EIF4G3: variants seen among roughly 807,000 people sequenced by gnomAD.
The protein encoded by EIF4G3 is eukaryotic translation initiation factor 4 gamma 3.
Under a neutral mutation model 186.4 loss-of-function variants are expected in EIF4G3, and 34 were observed. The ratio of observed to expected loss-of-function variants is 0.18; its 90% CI spans 0.14 to 0.24. The LOEUF (loss-of-function observed/expected upper bound fraction) is 0.24, where lower values mean the gene tolerates loss of function less well. EIF4G3 is among the 10% of genes least tolerant of loss of function. The probability of loss-of-function intolerance (pLI) is 1.00; values close to 1 mark genes in which losing one functional copy is unlikely to be tolerated. For missense variants in EIF4G3, 1,536 were observed against 1,948.5 expected, an observed-to-expected ratio of 0.79 and a Z score of 3.99; for synonymous variants, 673 against 679.5, an observed-to-expected ratio of 0.99 and a Z score of 0.15.
chr1:21,160,117 A>C (rs2097737026), intron 2 of EIF4G3, among the ~76,000 whole-genome samples: 1 of 152,036 alleles, frequency 6.6e-6, no homozygotes, highest in Non-Finnish European at 1.5e-5. Context: ...CAAAAAAAAA[A>C]AAAAAAGATA....
chr1:21,100,226 G>A (rs2096485798), intron 2 of EIF4G3, among the ~76,000 whole-genome samples: 2 of 152,200 alleles, frequency 1.3e-5, no homozygotes, highest in South Asian at 4.1e-4. Context: ...GAAGGAGGGT[G>A]ACTGCTAAAG....
At chr1:21,119,277 C>T (rs1221809951) in intron 2 of EIF4G3, among the ~76,000 whole-genome samples, 2 of 151,432 alleles carry the variant, frequency 1.3e-5, no homozygotes, top group Admixed American at 6.6e-5. Flanking sequence ...TTTGAAAGAG[C>T]CCTGGGAGAT....
intron 2 of EIF4G3, among the ~76,000 whole-genome samples, chr1:21,159,017 T>C (rs547904999): frequency 2.0e-5 from 3 of 152,034 alleles, no homozygotes; most frequent in Admixed American, 6.5e-5. Flanking sequence ...AAAAAAAACC[T>C]TCTACACATT....
chr1:20,964,617 T>C (rs2074200807), intron 12 of EIF4G3, among the ~76,000 whole-genome samples: 1 of 152,206 alleles, frequency 6.6e-6, no homozygotes, highest in Non-Finnish European at 1.5e-5. Context: ...ACTCATAGCT[T>C]GTGTCACAAA....
intron 3 of EIF4G3, among the ~76,000 whole-genome samples, chr1:21,055,478 CA>C (rs1160411481): frequency 6.6e-6 from 1 of 151,888 alleles, no homozygotes; most frequent in Non-Finnish European, 1.5e-5. Flanking sequence ...ATTAAACTAA[CA>C]AAAGTAAGTT....
intron 29 of EIF4G3, among the ~76,000 whole-genome samples, chr1:20,845,224 C>T (rs923559767): frequency 5.3e-5 from 8 of 152,112 alleles, no homozygotes; most frequent in Non-Finnish European, 8.8e-5. Context: ...ATCCTTTCCC[C>T]ATTGCTTGTT....
chr1:21,044,826 T>C (rs1048769893), intron 4 of EIF4G3, among the ~76,000 whole-genome samples: 1 of 152,094 alleles, frequency 6.6e-6, no homozygotes, highest in East Asian at 1.9e-4. Flanking sequence ...ATTTTTTACA[T>C]CTTTTGTAGA....
At chr1:21,110,036 C>T (rs1193213493) in intron 2 of EIF4G3, among the ~76,000 whole-genome samples, 1 of 152,176 alleles carries the variant, frequency 6.6e-6, no homozygotes, top group Non-Finnish European at 1.5e-5. Flanking sequence ...GATCCACCTG[C>T]CTCAGCCTCC....
intron 5 of EIF4G3, among the ~76,000 whole-genome samples, chr1:21,001,865 G>A (rs2154568921): frequency 6.6e-6 from 1 of 152,326 alleles, no homozygotes; most frequent in Non-Finnish European, 1.5e-5. Context: ...ATGAATAGGA[G>A]CTAATGCAAT....
chr1:20,817,060 T>G (rs2061188109), intron 34 of EIF4G3, among the ~76,000 whole-genome samples: 1 of 135,396 alleles, frequency 7.4e-6, no homozygotes, highest in Admixed American at 7.5e-5. Context: ...TCGTTAAGAG[T>G]CATCACCACT....
chr1:20,931,938 A>G (rs867052285), intron 14 of EIF4G3, among the ~76,000 whole-genome samples: 6 of 151,710 alleles, frequency 4.0e-5, no homozygotes, highest in African/African-American at 1.5e-4. Flanking sequence ...AAAAAAAAAG[A>G]AAGTAGGTAG....
intron 30 of EIF4G3, among the ~76,000 whole-genome samples, chr1:20,838,940 G>C (rs1040891701): frequency 1.3e-5 from 2 of 152,132 alleles, no homozygotes; most frequent in African/African-American, 4.8e-5. Flanking sequence ...GCCTTCCAAA[G>C]TGCTAGCATT....
At chr1:21,171,754 G>C (rs922884829) in intron 2 of EIF4G3, among the ~76,000 whole-genome samples, 2 of 152,164 alleles carry the variant, frequency 1.3e-5, no homozygotes, top group African/African-American at 4.8e-5. Context: ...CTACATTTCA[G>C]AGAAGGGATA....
chr1:20,829,262 T>A lies in EIF4G3; in HGVS notation c.4072A>T (p.Thr1358Ser), dbSNP rs747496059. 1 of 1,613,024 alleles carries A rather than the reference T, an allele frequency of 6.2e-7. No homozygotes were observed. Among genetic ancestry groups the A allele is most frequent in the East Asian group, 2.2e-5 (1 of 44,846 alleles). The change falls in exon 31 of 37, where the codon ACT becomes TCT. Residue 1358 changes from threonine to serine, a missense_variant. By Grantham distance (58) the Thr-to-Ser change is moderately conservative. Around this residue, in one of 11 missense-constraint regions of EIF4G3, gnomAD observed 395 missense variants for 498.9 expected, o/e 0.79. Transcript: ENST00000602326. ...KQDFFKGFSETLELADDMAID... is the reference protein window; with the variant it reads ...KQDFFKGFSESLELADDMAID... ...GCCATGTCATCTGCCAATTCCAAAG[T>A]TTCTGAAAAACTGAAAAGGAACAGG...
chr1:20,834,562 T>C (rs1316465171), intron 30 of EIF4G3, among the ~76,000 whole-genome samples: 2 of 152,024 alleles, frequency 1.3e-5, no homozygotes, highest in Admixed American at 6.6e-5. Context: ...TTCATGAAAA[T>C]AGAAATCAAA....
chr1:20,849,745 T>C (rs1395912754), intron 28 of EIF4G3, among the ~76,000 whole-genome samples: 1 of 152,214 alleles, frequency 6.6e-6, no homozygotes, highest in African/African-American at 2.4e-5. Flanking sequence ...TTTAGGAACA[T>C]GATAAACTTT....
intron 4 of EIF4G3, among the ~76,000 whole-genome samples, chr1:21,045,500 C>G (rs1374993188): frequency 6.6e-6 from 1 of 152,182 alleles, no homozygotes; most frequent in Non-Finnish European, 1.5e-5. Context: ...CCAGAAACAG[C>G]AGGCAGATAA....
intron 29 of EIF4G3, among the ~76,000 whole-genome samples, chr1:20,844,937 TGATA>T (rs1296099009): frequency 3.9e-5 from 6 of 152,200 alleles, no homozygotes; most frequent in African/African-American, 9.6e-5. Flanking sequence ...TTCTGTTGAT[TGATA>T]GTTTATTTTG....
At chr1:21,173,975 G>A (rs2098046532) in intron 2 of EIF4G3, among the ~76,000 whole-genome samples, 1 of 152,140 alleles carries the variant, frequency 6.6e-6, no homozygotes, top group African/African-American at 2.4e-5. Context: ...TGGTATGTCT[G>A]ATGAAATCTA....
Sources: gnomAD v4.1 joint callset for allele counts (sites outside exome capture counted in the v4.1 genomes callset) on GRCh38, gnomAD v4.1.1 for gene constraint, gnomAD v4.1.1 regional missense constraint, MANE v1.5 for transcripts, NCBI Gene and HGNC (gene_info 2026-07-23, HGNC 2026-07-21) for gene names.